SNTB1: variants seen among roughly 807,000 people sequenced by gnomAD.
SNTB1 encodes syntrophin beta 1, also known as beta-1-syntrophin.
In SNTB1, 36 loss-of-function variants were observed where a neutral mutation model predicts 48.9. The ratio of observed to expected loss-of-function variants is 0.74; its 90% CI spans 0.56 to 0.97. The LOEUF (loss-of-function observed/expected upper bound fraction) is 0.97, where lower values mean the gene tolerates loss of function less well. Ranked by LOEUF, SNTB1 falls within the 50% of genes least tolerant of loss-of-function variation. The pLI, the probability that SNTB1 is intolerant of heterozygous loss-of-function variation, is 0.00. For missense variants in SNTB1, 786 were observed against 703.4 expected, an observed-to-expected ratio of 1.12 and a Z score of -1.33; for synonymous variants, 299 against 294.6, an observed-to-expected ratio of 1.01 and a Z score of -0.15.
At chr8:120,727,112 A>G (rs1818769866) in intron 1 of SNTB1, among the ~76,000 whole-genome samples, 1 of 152,222 alleles carries the variant, frequency 6.6e-6, no homozygotes, top group Non-Finnish European at 1.5e-5. Context: ...GCACCTCAGT[A>G]AAAACTCTTG....
intron 1 of SNTB1, among the ~76,000 whole-genome samples, chr8:120,703,211 G>A (rs1358412190): frequency 2.6e-5 from 4 of 152,176 alleles, no homozygotes; most frequent in Admixed American, 1.3e-4. Context: ...TGCAACCTCC[G>A]CCTCCTGGGT....
intron 1 of SNTB1, among the ~76,000 whole-genome samples, chr8:120,798,219 C>T (rs1245093742): frequency 1.3e-5 from 2 of 151,866 alleles, no homozygotes; most frequent in Non-Finnish European, 2.9e-5. Context: ...CCTTCTAAGG[C>T]CCCAGACTAA....
At chr8:120,738,628 C>T (rs1023356181) in intron 1 of SNTB1, among the ~76,000 whole-genome samples, 2 of 151,240 alleles carry the variant, frequency 1.3e-5, no homozygotes, top group African/African-American at 4.9e-5. Context: ...CACAATCATC[C>T]ATCCTAGCAC....
chr8:120,600,299 C>T lies in SNTB1; in HGVS notation c.997-25074G>A, dbSNP rs1816401905. On this transcript the variant is annotated intron_variant, in intron 3 of 6. Transcript: ENST00000517992. ...GATCCAGCCACCATGCTGAGAGAGGCCCAAGCCATACAGACAGAGAACATG... is the reference window on the plus strand; with the variant it reads ...GATCCAGCCACCATGCTGAGAGAGGTCCAAGCCATACAGACAGAGAACATG... Among the ~76,000 whole-genome samples, 3 of 152,224 alleles carry T rather than the reference C, an allele frequency of 2.0e-5. No homozygotes were observed. In the South Asian group the frequency reaches 6.2e-4, roughly 32 times the overall value.
At chr8:120,586,292 G>A (rs150833488) in intron 3 of SNTB1, among the ~76,000 whole-genome samples, 365 of 152,296 alleles carry the variant, frequency 2.4e-3, no homozygotes, top group African/African-American at 8.3e-3. Context: ...TAGTGTATTC[G>A]TTTCCTATTG....
At chr8:120,641,430 C>T (rs1290825745) in intron 2 of SNTB1, among the ~76,000 whole-genome samples, 1 of 152,164 alleles carries the variant, frequency 6.6e-6, no homozygotes, top group Non-Finnish European at 1.5e-5. Flanking sequence ...GAAACGACAT[C>T]TTGGGAAACA....
At chr8:120,657,230 T>C (rs1474118890) in intron 2 of SNTB1, among the ~76,000 whole-genome samples, 3 of 152,222 alleles carry the variant, frequency 2.0e-5, no homozygotes, top group South Asian at 4.1e-4. Flanking sequence ...ATGCCTCTTG[T>C]CCTCTTCTCT....
intron 1 of SNTB1, among the ~76,000 whole-genome samples, chr8:120,713,171 C>G (rs933596486): frequency 6.6e-6 from 1 of 152,130 alleles, no homozygotes; most frequent in Non-Finnish European, 1.5e-5. Flanking sequence ...CTCATTTCAT[C>G]TTTCTAAAGT....
intron 3 of SNTB1, among the ~76,000 whole-genome samples, chr8:120,605,048 A>G (rs13249701): frequency 0.48 from 72,914 of 151,878 alleles, 19,946 homozygotes; most frequent in Non-Finnish European, 0.64. Flanking sequence ...TTTAATCTCC[A>G]CTCTCCCATT....
At chr8:120,729,310 CAGATGTG>C in intron 1 of SNTB1, among the ~76,000 whole-genome samples, 1 of 152,276 alleles carries the variant, frequency 6.6e-6, no homozygotes, top group Non-Finnish European at 1.5e-5. Context: ...GTCATTCTGA[CAGATGTG>C]AGATGGTATT....
chr8:120,662,689 G>A (rs1032448074), intron 2 of SNTB1, among the ~76,000 whole-genome samples: 1 of 152,104 alleles, frequency 6.6e-6, no homozygotes, highest in African/African-American at 2.4e-5. Context: ...AGATGTGTGA[G>A]TCAAGTGATT....
At position 120,707,642 on chromosome 8, in the gene SNTB1, T is replaced by C. The variant is rs35821494; in HGVS notation, c.572-13734A>G. Among the ~76,000 whole-genome samples the C allele has an allele frequency of 5.0e-3, 764 of 152,184 alleles. 1 individual carries two copies. Among genetic ancestry groups the C allele is most frequent in the Non-Finnish European group, 8.8e-3 (595 of 67,984 alleles). ...ACAACTCTTTCAATAAATAAACCCA[T>C]AGAAAAATTTAACAATAAAAAGGTA... On this transcript the variant is annotated intron_variant, in intron 1 of 6. Coordinates refer to ENST00000517992, the MANE Select transcript of SNTB1 (RefSeq NM_021021.4).
At chr8:120,771,895 G>A (rs1177103856) in intron 1 of SNTB1, among the ~76,000 whole-genome samples, 1 of 151,930 alleles carries the variant, frequency 6.6e-6, no homozygotes, top group African/African-American at 2.4e-5. Context: ...TTGAGACAAG[G>A]TTTCACTCCC....
At chr8:120,600,606 G>C (rs1399247094) in intron 3 of SNTB1, among the ~76,000 whole-genome samples, 2 of 152,058 alleles carry the variant, frequency 1.3e-5, no homozygotes, top group Non-Finnish European at 2.9e-5. Context: ...ATAGGTAGCT[G>C]GAATTCCTTA....
At chr8:120,722,605 T>G (rs556963212) in intron 1 of SNTB1, among the ~76,000 whole-genome samples, 4 of 152,336 alleles carry the variant, frequency 2.6e-5, no homozygotes, top group Admixed American at 6.5e-5. Context: ...TTTTTTCTTG[T>G]AAGTTTGTTT....
intron 4 of SNTB1, among the ~76,000 whole-genome samples, chr8:120,551,254 CA>C (rs11304538): frequency 0.3 from 23,972 of 80,604 alleles, 1,801 homozygotes; most frequent in Middle Eastern, 0.42. Flanking sequence ...GACTCCATCT[CA>C]AAAAAAAAAA....
intron 1 of SNTB1, among the ~76,000 whole-genome samples, chr8:120,792,834 C>A (rs1820059564): frequency 6.6e-6 from 1 of 151,996 alleles, no homozygotes; most frequent in Non-Finnish European, 1.5e-5. Flanking sequence ...CCTCTCAAGA[C>A]TCATACTTTT....
intron 3 of SNTB1, among the ~76,000 whole-genome samples, chr8:120,593,352 C>T (rs931714390): frequency 3.3e-5 from 5 of 152,328 alleles, no homozygotes; most frequent in African/African-American, 9.6e-5. Flanking sequence ...TTTCTTCTGC[C>T]TTCCATTCTG....
In SNTB1 at chr8:120,570,116, T is replaced by C. The variant is rs1283631947; in HGVS notation, c.1136+4970A>G. On this transcript the variant is annotated intron_variant, in intron 4 of 6. Coordinates refer to ENST00000517992, the MANE Select transcript of SNTB1 (RefSeq NM_021021.4). Reference sequence around the variant, plus strand: ...TCCTCATCTTACCAGGGGGTTGAAGTCCCAGGGCTAAACCTGGTTACAGGA... The same window carrying C: ...TCCTCATCTTACCAGGGGGTTGAAGCCCCAGGGCTAAACCTGGTTACAGGA... 3 of 152,176 alleles carry C rather than the reference T, an allele frequency of 2.0e-5. No individual in the cohort carries two copies. In the East Asian group the frequency reaches 5.8e-4, roughly 29 times the overall value. 9.4% of individuals were successfully genotyped at this position (152,176 alleles called of 1,614,324 possible). A position where few individuals can be genotyped will look rare whatever the true frequency, so the allele number is the denominator to read the frequency against.
Sources: gnomAD v4.1 joint callset for allele counts (sites outside exome capture counted in the v4.1 genomes callset) on GRCh38, gnomAD v4.1.1 for gene constraint, MANE v1.5 for transcripts, NCBI Gene and HGNC (gene_info 2026-07-23, HGNC 2026-07-21) for gene names.